The following TTC23L variants were observed in gnomAD, a reference collection of about 807,000 sequenced individuals.
TTC23L encodes the protein tetratricopeptide repeat domain 23 like.
TTC23L carries 42 observed loss-of-function variants against 48.1 expected under a neutral mutation model. The ratio of observed to expected loss-of-function variants is 0.87; its 90% confidence interval spans 0.68 to 1.13. The LOEUF is 1.13. TTC23L is among the 50% of genes most tolerant of loss of function. TTC23L has a pLI of 0.00. For synonymous variants in TTC23L, 159 were observed against 157.2 expected, an observed-to-expected ratio of 1.01 and a Z score of -0.09; for missense variants, 391 against 421.0, an observed-to-expected ratio of 0.93 and a Z score of 0.62.
At position 34,876,046 on chromosome 5, in the gene TTC23L, A is replaced by G. The variant is rs1428447024; in HGVS notation, c.950-4135A>G. The stretch of plus-strand genomic sequence containing the variant: ...ACATATCTAAATGTGTGGGATAAGA[A>G]GAAATCTCAAGAGAAACTTTAAAAT... On this transcript the variant is annotated intron_variant, in intron 8 of 10. Coordinates refer to ENST00000505624, the Ensembl canonical transcript of TTC23L. Among the ~76,000 whole-genome samples, 16 of 152,360 alleles carry G rather than the reference A, an allele frequency of 1.1e-4. No homozygotes were observed. In the East Asian group the frequency reaches 2.7e-3, roughly 26 times the overall value.
At chr5:34,900,100 T>C (rs1045516030), downstream of TTC23L, among the ~76,000 whole-genome samples, 4 of 152,202 alleles carry the variant, frequency 2.6e-5, no homozygotes, top group African/African-American at 9.6e-5. Context: ...TGGTGAACAC[T>C]TTCATGTACT....
intron 3 of TTC23L, among the ~76,000 whole-genome samples, chr5:34,846,889 A>ACAGAAGGTT (rs1759247187): frequency 6.6e-6 from 1 of 152,090 alleles, no homozygotes. Context: ...AACAGAAGGT[A>ACAGAAGGTT]GCAGTGGAGG....
the TTC23L span, chr5:34,914,599 G>T: frequency 1.8e-6 from 2 of 1,112,878 alleles, no homozygotes; most frequent in Non-Finnish European, 1.3e-6. Flanking sequence ...AAGTTATTAT[G>T]ACTATTAAGT....
At chr5:34,859,357 A>T (rs887628092) in intron 4 of TTC23L, among the ~76,000 whole-genome samples, 1 of 152,160 alleles carries the variant, frequency 6.6e-6, no homozygotes, top group Non-Finnish European at 1.5e-5. Context: ...CTGTGACCTA[A>T]CTAGTGATGC....
the TTC23L span, chr5:34,915,969 A>T: frequency 6.9e-7 from 1 of 1,446,852 alleles, no homozygotes; most frequent in South Asian, 1.5e-5. Flanking sequence ...TACTTACTTG[A>T]CTACAGCCTT....
chr5:34,864,040 C>A (rs1760870110), intron 5 of TTC23L, among the ~76,000 whole-genome samples: 1 of 152,226 alleles, frequency 6.6e-6, no homozygotes, highest in Non-Finnish European at 1.5e-5. Flanking sequence ...CTTGGACTTT[C>A]TAAATGACCC....
intron 9 of TTC23L, among the ~76,000 whole-genome samples, chr5:34,889,368 C>G (rs1313153197): frequency 6.6e-6 from 1 of 152,202 alleles, no homozygotes; most frequent in Non-Finnish European, 1.5e-5. Flanking sequence ...TGAGAGCCCT[C>G]TAACAGAGGT....
intron 2 of TTC23L, among the ~76,000 whole-genome samples, chr5:34,843,529 G>A (rs1580412548): frequency 6.6e-6 from 1 of 152,160 alleles, no homozygotes; most frequent in Non-Finnish European, 1.5e-5. Flanking sequence ...TGTTATTCAA[G>A]GCTTAATTTA....
chr5:34,905,258 G>A, the TTC23L span: 3 of 152,146 alleles, frequency 2.0e-5, no homozygotes, highest in African/African-American at 7.2e-5. Context: ...TATACACTCC[G>A]ATTTCTCAGG....
chr5:34,840,692 T>C, exon 2 of TTC23L: 1 of 1,613,994 alleles, frequency 6.2e-7, no homozygotes, highest in African/African-American at 1.3e-5. Flanking sequence ...GCCCCATCCG[T>C]ATCCCAACTG....
chr5:34,885,689 A>G (rs939121876), intron 9 of TTC23L, among the ~76,000 whole-genome samples: 1 of 151,988 alleles, frequency 6.6e-6, no homozygotes, highest in Non-Finnish European at 1.5e-5. Context: ...TCAAGGCTAC[A>G]TGAGCCCTGA....
chr5:34,874,213 G>A (rs1042973518), intron 8 of TTC23L, among the ~76,000 whole-genome samples: 1 of 152,128 alleles, frequency 6.6e-6, no homozygotes, highest in South Asian at 2.1e-4. Flanking sequence ...CCACAGACTT[G>A]ACGTAAAGAA....
chr5:34,850,083 A>C (rs1467280116), intron 3 of TTC23L, 102 bp from the exon 4 acceptor site: 10 of 1,353,092 alleles, frequency 7.4e-6, no homozygotes, highest in Non-Finnish European at 1.0e-5. Flanking sequence ...GAGAAGAGAA[A>C]AAAGATGACA....
Position 34,863,723 on chromosome 5 carries a change from C to T in TTC23L, c.536+669C>T, listed in dbSNP as rs997148919. ...CCCCAGAGGGGTACTGTTATATGTG[C>T]CTTTCCTCAGAACTGGGGATTCTGA... On this transcript the variant is annotated intron_variant, in intron 5 of 10. Transcript: ENST00000505624. This position sits in a 1 kb window ranked among gnomAD's most constrained non-coding sequence, Gnocchi z 4.1. Among the ~76,000 whole-genome samples the T allele has an allele frequency of 3.9e-5, 6 of 152,156 alleles. No individual in the cohort carries two copies. Among genetic ancestry groups the T allele is most frequent in the Non-Finnish European group, 7.3e-5 (5 of 68,034 alleles).
chr5:34,914,941 T>C, the TTC23L span: 15 of 1,599,240 alleles, frequency 9.4e-6, no homozygotes, highest in Non-Finnish European at 1.3e-5. Context: ...GCCAACAACT[T>C]CTCGGCGGAT....
At chr5:34,874,315 CATAAA>C in intron 8 of TTC23L, among the ~76,000 whole-genome samples, 1 of 152,200 alleles carries the variant, frequency 6.6e-6, no homozygotes. Context: ...GAAATGTGAT[CATAAA>C]ATAAAAAACT....
chr5:34,920,043 C>T, the TTC23L span: 1 of 461,222 alleles, frequency 2.2e-6, no homozygotes, highest in Admixed American at 4.3e-5. Flanking sequence ...TTTTATCTCT[C>T]ACAGTTTAGT....
chr5:34,855,830 T>C (rs537409635), intron 4 of TTC23L, among the ~76,000 whole-genome samples: 167 of 152,254 alleles, frequency 1.1e-3, no homozygotes, highest in Non-Finnish European at 8.5e-4. Flanking sequence ...CTTATTTTTA[T>C]ATAAAAAACA....
chr5:34,880,511 C>T (rs956943911), intron 9 of TTC23L, among the ~76,000 whole-genome samples: 5 of 152,174 alleles, frequency 3.3e-5, no homozygotes, highest in African/African-American at 1.2e-4. Context: ...AACTGAGCAA[C>T]TCTGTCCGAC....
Sources: allele counts gnomAD v4.1 joint callset (sites outside exome capture counted in the v4.1 genomes callset), GRCh38; gene constraint gnomAD v4.1.1; non-coding constraint Gnocchi (gnomAD v3.1); transcripts MANE v1.5; gene names NCBI Gene and HGNC (gene_info 2026-07-23, HGNC 2026-07-21).